CACNA1C: variants seen among roughly 807,000 people sequenced by gnomAD.
The protein encoded by CACNA1C is calcium voltage-gated channel subunit alpha1 C.
In CACNA1C, 30 loss-of-function variants were observed where a neutral mutation model predicts 229.0. The observed-to-expected ratio is 0.13, with a 90% confidence interval of 0.10 to 0.18. CACNA1C has a LOEUF of 0.18. CACNA1C is among the 10% of genes least tolerant of loss of function. The pLI is 1.00. For synonymous variants in CACNA1C, 1,114 were observed against 1,132.5 expected (o/e 0.98, Z 0.33); for missense variants, 1,658 against 2,845.0 (o/e 0.58, Z 9.49).
intron 3 of CACNA1C, among the ~76,000 whole-genome samples, chr12:2,446,168 G>A (rs1193852250): frequency 6.6e-6 from 1 of 150,684 alleles, no homozygotes; most frequent in Non-Finnish European, 1.5e-5. Flanking sequence ...TAGGTGGATG[G>A]ATGGATGGAT....
chr12:2,669,283 T>C (rs1474505008), intron 38 of CACNA1C, among the ~76,000 whole-genome samples: 4 of 152,122 alleles, frequency 2.6e-5, no homozygotes, highest in African/African-American at 7.2e-5. Context: ...CTGGGCCACA[T>C]TGGAAGAATT....
intron 3 of CACNA1C, among the ~76,000 whole-genome samples, chr12:2,176,632 T>A (rs1456354947): frequency 6.6e-6 from 1 of 152,056 alleles, no homozygotes; most frequent in East Asian, 1.9e-4. Flanking sequence ...CATGTGGCAT[T>A]ACAGGAAATG....
In CACNA1C at chr12:2,461,468, T is replaced by C. The variant is rs115193228; in HGVS notation, c.757+3762T>C. ...TCTGTCTGTACTCACTCCCTAGTTA[T>C]CACGTCCAGCCTCCTGGTGTTAAAT... On this transcript the variant is annotated intron_variant, in intron 5 of 46. Coordinates refer to ENST00000399655, the MANE Select transcript of CACNA1C (RefSeq NM_000719.7). Among the ~76,000 whole-genome samples, 1,061 of 152,320 alleles carry C rather than the reference T, an allele frequency of 7.0e-3. 12 individuals carry two copies. Among genetic ancestry groups the C allele is most frequent in the African/African-American group, 0.024 (988 of 41,566 alleles).
At chr12:2,582,698 G>A (rs1484981227) in intron 14 of CACNA1C, 124 bp from the exon 15 acceptor site, 20 of 979,246 alleles carry the variant, frequency 2.0e-5, no homozygotes, top group Non-Finnish European at 2.9e-5. Context: ...GGGCCAGGAG[G>A]AGGGAAAGAA....
At chr12:2,160,699 A>C (rs867923816) in intron 3 of CACNA1C, among the ~76,000 whole-genome samples, 1 of 152,242 alleles carries the variant, frequency 6.6e-6, no homozygotes, top group Non-Finnish European at 1.5e-5. Context: ...ATATTTCAAA[A>C]CACCTAATGG....
At chr12:2,562,482 C>T (rs971306636) in intron 11 of CACNA1C, among the ~76,000 whole-genome samples, 1 of 152,164 alleles carries the variant, frequency 6.6e-6, no homozygotes, top group African/African-American at 2.4e-5. Context: ...GAATAAACTA[C>T]TTGCCAAATT....
At chr12:2,631,062 C>G (rs1207854492) in intron 29 of CACNA1C, among the ~76,000 whole-genome samples, 1 of 152,178 alleles carries the variant, frequency 6.6e-6, no homozygotes, top group Non-Finnish European at 1.5e-5. Context: ...AGCCCTTCAC[C>G]CTGGTGTGCC....
rs2099739489 is a variant in CACNA1C at position 2,493,039 on chromosome 12, C to A, written c.917-151C>A. On this transcript the variant is annotated intron_variant, in intron 6 of 46. Coordinates refer to ENST00000399655, the MANE Select transcript of CACNA1C (RefSeq NM_000719.7). This position sits in a 1 kb window ranked among gnomAD's most constrained non-coding sequence, Gnocchi z 4.6. ...TGTTGCTTAATTCACATCTGGGGACCTGATTTAAACATGTCTTGCGCTGTT... is the reference window on the plus strand; with the variant it reads ...TGTTGCTTAATTCACATCTGGGGACATGATTTAAACATGTCTTGCGCTGTT... The A allele has an allele frequency of 3.2e-6, 2 of 624,984 alleles. No individual in the cohort carries two copies. Among genetic ancestry groups the A allele is most frequent in the East Asian group, 5.6e-5 (2 of 35,858 alleles). 38.7% of individuals were successfully genotyped at this position (624,984 alleles called of 1,614,324 possible).
chr12:2,159,165 T>G (rs950885222), intron 3 of CACNA1C, among the ~76,000 whole-genome samples: 3 of 152,156 alleles, frequency 2.0e-5, no homozygotes, highest in African/African-American at 7.2e-5. Context: ...ATTTTTTTTC[T>G]TCAATGAACC....
At position 2,053,277 on chromosome 12, in the gene CACNA1C, G is replaced by C. The variant is rs2052854099; in HGVS notation, c.-286G>C. The stretch of plus-strand genomic sequence containing the variant: ...ATTTTTTCAAATGGTGTAGCCGCCG[G>C]AGGTGCGGTGCTCAGTTCTTGGAAG... On this transcript the variant is annotated 5_prime_UTR_variant, in exon 1 of 47. Coordinates refer to ENST00000399655, the MANE Select transcript of CACNA1C (RefSeq NM_000719.7). The surrounding 1 kb of genome is among the most constrained non-coding windows in gnomAD (Gnocchi z 5.8). 13 of 1,131,448 alleles carry C rather than the reference G, an allele frequency of 1.1e-5. No individual in the cohort carries two copies. Among genetic ancestry groups the C allele is most frequent in the African/African-American group, 1.6e-5 (1 of 61,624 alleles). 70.1% of individuals were successfully genotyped at this position (1,131,448 alleles called of 1,614,324 possible).
intron 30 of CACNA1C, among the ~76,000 whole-genome samples, chr12:2,635,389 C>T (rs998944052): frequency 4.6e-5 from 7 of 152,102 alleles, no homozygotes; most frequent in African/African-American, 9.7e-5. Flanking sequence ...TTAATTTTTT[C>T]GTTATTATTT....
chr12:2,145,281 T>G (rs186746545), intron 3 of CACNA1C, among the ~76,000 whole-genome samples: 2 of 151,378 alleles, frequency 1.3e-5, no homozygotes, highest in Admixed American at 1.3e-4. Flanking sequence ...TTGGAAGAGC[T>G]TCCTGCCTGA....
intron 11 of CACNA1C, among the ~76,000 whole-genome samples, chr12:2,557,244 G>A (rs550802418): frequency 4.6e-5 from 7 of 152,292 alleles, no homozygotes; most frequent in African/African-American, 1.4e-4. Context: ...GACCAAATGT[G>A]TTTTCCTCCC....
chr12:2,089,770 G>T (rs57155854), intron 1 of CACNA1C, among the ~76,000 whole-genome samples: 1 of 152,130 alleles, frequency 6.6e-6, no homozygotes, highest in East Asian at 1.9e-4. Flanking sequence ...CGCGGTGGCT[G>T]ACACCTGTAA....
chr12:2,284,669 C>A (rs1489714352), intron 3 of CACNA1C, among the ~76,000 whole-genome samples: 1 of 152,206 alleles, frequency 6.6e-6, no homozygotes. Context: ...TGTAATTTAC[C>A]ATAATTCCGG....
intron 3 of CACNA1C, among the ~76,000 whole-genome samples, chr12:2,212,296 G>T (rs2097946622): frequency 6.6e-6 from 1 of 152,178 alleles, no homozygotes; most frequent in South Asian, 2.1e-4. Flanking sequence ...AGGTAAGTGT[G>T]GTTGCAAGGA....
At chr12:2,638,470 G>A (rs2093181302) in intron 30 of CACNA1C, among the ~76,000 whole-genome samples, 1 of 152,166 alleles carries the variant, frequency 6.6e-6, no homozygotes, top group South Asian at 2.1e-4. Context: ...TTTACTCTGA[G>A]CAAGAAGGGG....
rs564679173 is a variant in CACNA1C at position 2,136,122 on chromosome 12, G to C, written c.477+15692G>C. Among the ~76,000 whole-genome samples the C allele has an allele frequency of 2.0e-4, 30 of 151,244 alleles. 2 individuals carry two copies. Among genetic ancestry groups the C allele is most frequent in the South Asian group, 1.3e-3 (6 of 4,742 alleles). ...GACTCGGAAAGGGAACTCCCTGACC[G>C]CTTGCGCTTCCCAGGTGAGGCAATG... On this transcript the variant is annotated intron_variant, in intron 3 of 46. Transcript: ENST00000399655.
intron 12 of CACNA1C, among the ~76,000 whole-genome samples, chr12:2,567,281 G>A (rs1184053195): frequency 6.6e-6 from 1 of 152,208 alleles, no homozygotes; most frequent in East Asian, 1.9e-4. Context: ...CTGAAAATGG[G>A]CATGACGATG....
Sources: gnomAD v4.1 joint callset for allele counts (sites outside exome capture counted in the v4.1 genomes callset) on GRCh38, gnomAD v4.1.1 for gene constraint, Gnocchi (gnomAD v3.1) non-coding constraint, MANE v1.5 for transcripts, NCBI Gene and HGNC (gene_info 2026-07-23, HGNC 2026-07-21) for gene names.